Variants in EPHA7 observed in about 807,000 individuals in gnomAD.
EPHA7 encodes the protein ephrin type-A receptor 7.
In EPHA7, 25 loss-of-function variants were observed where a neutral mutation model predicts 112.6. The observed-to-expected ratio is 0.22, with a 90% CI of 0.16 to 0.31. EPHA7 has a LOEUF of 0.31. Ranked by LOEUF, EPHA7 falls within the 10% of genes least tolerant of loss-of-function variation. EPHA7 has a pLI of 1.00. For missense variants in EPHA7, 962 were observed against 1,212.6 expected, an observed-to-expected ratio of 0.79 and a Z score of 3.07; for synonymous variants, 437 against 406.5, an observed-to-expected ratio of 1.07 and a Z score of -0.90.
intron 5 of EPHA7, among the ~76,000 whole-genome samples, chr6:93,301,221 TC>T (rs368806078): frequency 5.7e-4 from 87 of 152,308 alleles, no homozygotes; most frequent in African/African-American, 2.0e-3. Flanking sequence ...CTTTTAAGTT[TC>T]TTTTTTTTAA....
At chr6:93,327,599 C>G (rs1257601310) in intron 5 of EPHA7, among the ~76,000 whole-genome samples, 1 of 151,488 alleles carries the variant, frequency 6.6e-6, no homozygotes, top group South Asian at 2.1e-4. Context: ...GTTATTTCAT[C>G]TTTTCAAAAG....
intron 5 of EPHA7, among the ~76,000 whole-genome samples, chr6:93,326,873 T>C (rs892093451): frequency 2.0e-5 from 3 of 151,600 alleles, no homozygotes; most frequent in Non-Finnish European, 4.4e-5. Flanking sequence ...CTTTCTAAGA[T>C]ATAAAGCTGC....
intron 5 of EPHA7, among the ~76,000 whole-genome samples, chr6:93,302,520 T>G (rs1251641743): frequency 6.6e-6 from 1 of 152,194 alleles, no homozygotes; most frequent in Non-Finnish European, 1.5e-5. Context: ...CTCTGGTACC[T>G]GGACTGTTAG....
intron 5 of EPHA7, among the ~76,000 whole-genome samples, chr6:93,314,198 A>G (rs1450854025): frequency 6.6e-6 from 1 of 152,162 alleles, no homozygotes; most frequent in African/African-American, 2.4e-5. Context: ...AATAAATGTC[A>G]AGAAGTTTCA....
chr6:93,336,608 A>G (rs575278354), intron 5 of EPHA7, among the ~76,000 whole-genome samples: 575 of 152,012 alleles, frequency 3.8e-3, no homozygotes, highest in Non-Finnish European at 6.0e-3. Context: ...TCACTGTGTT[A>G]GCCAGGATGG....
chr6:93,383,232 TATAAA>T (rs1486330200), intron 3 of EPHA7, among the ~76,000 whole-genome samples: 1 of 151,188 alleles, frequency 6.6e-6, no homozygotes, highest in Non-Finnish European at 1.5e-5. Flanking sequence ...TATACATATA[TATAAA>T]ATATACAATG....
At chr6:93,357,115 A>C in intron 4 of EPHA7, 63 bp from the exon 5 acceptor site, 3 of 1,305,980 alleles carry the variant, frequency 2.3e-6, no homozygotes, top group Non-Finnish European at 3.1e-6. Flanking sequence ...TACAAACAAA[A>C]AGAACAAAAG....
At chr6:93,261,888 A>G (rs1237290101) in intron 9 of EPHA7, among the ~76,000 whole-genome samples, 1 of 151,598 alleles carries the variant, frequency 6.6e-6, no homozygotes, top group African/African-American at 2.4e-5. Context: ...ACAATTAAGC[A>G]TAAGGCTATA....
intron 5 of EPHA7, among the ~76,000 whole-genome samples, chr6:93,282,157 A>T (rs1018187136): frequency 5.9e-5 from 9 of 152,164 alleles, no homozygotes; most frequent in African/African-American, 2.2e-4. Context: ...AACAATATAT[A>T]ATTTGTTTAT....
At chr6:93,387,639 C>A (rs140651216) in intron 3 of EPHA7, among the ~76,000 whole-genome samples, 1 of 152,042 alleles carries the variant, frequency 6.6e-6, no homozygotes, top group Non-Finnish European at 1.5e-5. Context: ...CTCACAATTA[C>A]GCATAGCTGG....
chr6:93,419,198 A>T (rs1482257154), intron 1 of EPHA7, 47 bp downstream of exon 1: 2 of 1,524,282 alleles, frequency 1.3e-6, no homozygotes, highest in East Asian at 2.3e-5. Flanking sequence ...GCAGGTAGAC[A>T]TCTAAATAAA....
chr6:93,258,064 C>T, intron 11 of EPHA7, 35 bp downstream of exon 11: 1 of 1,577,574 alleles, frequency 6.3e-7, no homozygotes, highest in Non-Finnish European at 8.7e-7. Flanking sequence ...GACACTCAGT[C>T]TTTTTGATAA....
At chr6:93,387,819 T>C (rs1460246357) in intron 3 of EPHA7, among the ~76,000 whole-genome samples, 1 of 152,090 alleles carries the variant, frequency 6.6e-6, no homozygotes, top group South Asian at 2.1e-4. Context: ...ATCACCTCCA[T>C]GATCTAATCA....
At chr6:93,287,217 A>G (rs1239898485) in intron 5 of EPHA7, among the ~76,000 whole-genome samples, 28 of 152,184 alleles carry the variant, frequency 1.8e-4, no homozygotes. Context: ...TTGTTTCTCA[A>G]GCCTATAACT....
chr6:93,311,112 C>CTCTTTTTTTTT (rs1434719790), intron 5 of EPHA7, among the ~76,000 whole-genome samples: 1 of 71,026 alleles, frequency 1.4e-5, no homozygotes, highest in Non-Finnish European at 2.7e-5. Flanking sequence ...TCATGCCCAG[C>CTCTTTTTTTTT]TATTTTTTTT....
intron 5 of EPHA7, among the ~76,000 whole-genome samples, chr6:93,279,052 CAG>C: frequency 6.6e-6 from 1 of 151,986 alleles, no homozygotes; most frequent in South Asian, 2.1e-4. Context: ...TTAAGCTGAG[CAG>C]AGATTTTTTA....
At chr6:93,260,713 AATTG>A (rs890002720) in intron 9 of EPHA7, 2 of 981,202 alleles carry the variant, frequency 2.0e-6, no homozygotes, top group Non-Finnish European at 2.4e-6. Flanking sequence ...GTTTATCCAA[AATTG>A]ATTGTCTTAA....
At chr6:93,343,827 T>C (rs137900138) in intron 5 of EPHA7, among the ~76,000 whole-genome samples, 4 of 151,674 alleles carry the variant, frequency 2.6e-5, no homozygotes, top group African/African-American at 9.7e-5. Context: ...TTTTCAAACA[T>C]AACACCAGTG....
intron 7 of EPHA7, among the ~76,000 whole-genome samples, chr6:93,267,909 A>T (rs2127874548): frequency 6.6e-6 from 1 of 151,830 alleles, no homozygotes; most frequent in Non-Finnish European, 1.5e-5. Flanking sequence ...CTGACATTTT[A>T]AGTTTAAACT....
Sources: gnomAD v4.1 joint callset for allele counts (sites outside exome capture counted in the v4.1 genomes callset) on GRCh38, gnomAD v4.1.1 for gene constraint, MANE v1.5 for transcripts, NCBI Gene and HGNC (gene_info 2026-07-23, HGNC 2026-07-21) for gene names.